The following LTBP2 variants were observed in gnomAD, a reference collection of about 807,000 sequenced individuals.
The protein encoded by LTBP2 is latent-transforming growth factor beta-binding protein 2.
In LTBP2, 103 loss-of-function variants were observed where a neutral mutation model predicts 210.6. The ratio of observed to expected loss-of-function variants is 0.49; its 90% CI spans 0.42 to 0.58. LTBP2 has a LOEUF of 0.58. Ranked by LOEUF, LTBP2 falls within the 20% of genes least tolerant of loss-of-function variation. The pLI, the probability that LTBP2 is intolerant of heterozygous loss-of-function variation, is 0.00. For synonymous variants in LTBP2, 1,007 were observed against 1,015.0 expected, an observed-to-expected ratio of 0.99 and a Z score of 0.15; for missense variants, 2,313 against 2,494.5, an observed-to-expected ratio of 0.93 and a Z score of 1.55.
intron 5 of LTBP2, 117 bp from the exon 6 acceptor site, chr14:74,552,510 G>T (rs2087674699): frequency 1.1e-6 from 1 of 902,056 alleles, no homozygotes; most frequent in Non-Finnish European, 1.8e-6. Context: ...GGCTCCTGTA[G>T]CCCGGAGCCC....
At chr14:74,599,876 T>C (rs58052725) in intron 2 of LTBP2, among the ~76,000 whole-genome samples, 21,552 of 152,304 alleles carry the variant, frequency 0.14, 2,461 homozygotes, top group African/African-American at 0.31. Flanking sequence ...TGAGTCTCCC[T>C]GTGGTTCTGG....
intron 20 of LTBP2, 79 bp from the exon 21 acceptor site, chr14:74,509,938 G>T: frequency 6.2e-7 from 1 of 1,611,630 alleles, no homozygotes; most frequent in South Asian, 1.1e-5. Context: ...CAGGGGTGGG[G>T]GAAGGACAGG....
At chr14:74,541,309 C>T (rs1366981031) in intron 8 of LTBP2, among the ~76,000 whole-genome samples, 1 of 152,150 alleles carries the variant, frequency 6.6e-6, no homozygotes, top group Middle Eastern at 3.2e-3. Flanking sequence ...ACACCTAGAG[C>T]TGTGTGGGCA....
At chr14:74,540,314 A>T (rs1197065645) in intron 8 of LTBP2, among the ~76,000 whole-genome samples, 1 of 151,950 alleles carries the variant, frequency 6.6e-6, no homozygotes, top group Non-Finnish European at 1.5e-5. Flanking sequence ...CTCTACCAAA[A>T]ATACAAAAAG....
intron 1 of LTBP2, among the ~76,000 whole-genome samples, chr14:74,604,811 T>C (rs1334842160): frequency 6.6e-6 from 1 of 151,944 alleles, no homozygotes; most frequent in Non-Finnish European, 1.5e-5. Context: ...TCCTTGATGT[T>C]GGCTCTGAGG....
intron 1 of LTBP2, 126 bp from the exon 2 acceptor site, chr14:74,603,831 T>A (rs1238735935): frequency 2.6e-6 from 2 of 776,368 alleles, no homozygotes; most frequent in East Asian, 5.2e-5. Flanking sequence ...GGGAAGGCTG[T>A]CCCTATTCTA....
intron 35 of LTBP2, 132 bp downstream of exon 35, chr14:74,501,309 G>T (rs754251474): frequency 2.9e-6 from 4 of 1,400,102 alleles, no homozygotes; most frequent in South Asian, 1.2e-5. Context: ...TTCCTTTGGC[G>T]CTTTCTTCCC....
At chr14:74,567,666 A>AC (rs1422733846) in intron 3 of LTBP2, among the ~76,000 whole-genome samples, 2 of 151,806 alleles carry the variant, frequency 1.3e-5, no homozygotes, top group African/African-American at 2.4e-5. Flanking sequence ...GGGGACACAG[A>AC]CCCCCAGGAG....
At chr14:74,517,822 A>C in intron 17 of LTBP2, among the ~76,000 whole-genome samples, 1 of 151,398 alleles carries the variant, frequency 6.6e-6, no homozygotes, top group African/African-American at 2.4e-5. Flanking sequence ...GCCCAACCCC[A>C]CTCACGCCCC....
rs142986851 is a variant in LTBP2, at chr14:74,552,380, G to A, written c.1206C>T (p.Ile402=). The A allele has an allele frequency of 7.5e-6, 12 of 1,606,902 alleles. No homozygotes were observed. The Middle Eastern group carries it at 4.9e-4, about 66-fold the overall frequency. The change falls in exon 6 of 36, where the codon ATC becomes ATT. Residue 402 remains isoleucine, a synonymous_variant. Coordinates refer to ENST00000261978, the MANE Select transcript of LTBP2 (RefSeq NM_000428.3). The stretch of plus-strand genomic sequence containing the variant: ...TGCAGCGGCCTCCGTTCAGGCAGGG[G>A]ATCTGGCAGAAATCTGCAACATCAA... ...KSGFRIYFCQ[I]PCLNGGRCIG...
chr14:74,578,768 G>A (rs962889688), intron 3 of LTBP2, among the ~76,000 whole-genome samples: 5 of 152,230 alleles, frequency 3.3e-5, no homozygotes, highest in Admixed American at 3.3e-4. Flanking sequence ...TGGCACTGGG[G>A]GAAGGGGACA....
chr14:74,553,050 G>T lies in LTBP2; in HGVS notation c.1034C>A (p.Thr345Lys), dbSNP rs138297564. 1 of 1,614,142 alleles carries T rather than the reference G, an allele frequency of 6.2e-7. No homozygotes were observed. The highest frequency in any genetic ancestry group is 1.1e-5 in the South Asian group (1 of 91,076). ...GATCTTGATCTTCTTGATTTTCTCC[G>T]TGAGGTTCAGCCCTGCAGAGAGAGG... Reference protein sequence around the residue: ...HPSSPWGLNLTEKIKKIKIVF... With the variant: ...HPSSPWGLNLKEKIKKIKIVF... Residue 345 changes from threonine (T) to lysine (K), a missense_variant, in exon 5 of 36, where the codon ACG becomes AAG. By Grantham distance (78) the Thr-to-Lys change is moderately conservative. Coordinates refer to ENST00000261978, the MANE Select transcript of LTBP2 (RefSeq NM_000428.3).
intron 18 of LTBP2, among the ~76,000 whole-genome samples, chr14:74,513,878 C>T (rs1315852288): frequency 6.6e-6 from 1 of 152,224 alleles, no homozygotes; most frequent in East Asian, 1.9e-4. Context: ...GCAGCATAAC[C>T]TTGTCTATCT....
At chr14:74,563,171 A>G (rs182273254) in intron 3 of LTBP2, among the ~76,000 whole-genome samples, 5 of 152,208 alleles carry the variant, frequency 3.3e-5, no homozygotes, top group African/African-American at 9.6e-5. Context: ...TCTATCCTCA[A>G]TCAGGTCAAA....
intron 2 of LTBP2, among the ~76,000 whole-genome samples, chr14:74,601,886 G>T (rs1279901765): frequency 6.6e-6 from 1 of 152,166 alleles, no homozygotes; most frequent in Non-Finnish European, 1.5e-5. Context: ...GCCTGGGGCT[G>T]GTCCTTGAAG....
intron 3 of LTBP2, among the ~76,000 whole-genome samples, chr14:74,558,212 C>G (rs112170618): frequency 0.011 from 1,652 of 152,240 alleles, 43 homozygotes; most frequent in African/African-American, 0.038. Flanking sequence ...CCAGCCTGAC[C>G]AACAGAGAGA....
At chr14:74,548,396 T>C (rs7148461) in intron 8 of LTBP2, among the ~76,000 whole-genome samples, 49,853 of 151,780 alleles carry the variant, frequency 0.33, 8,623 homozygotes, top group Non-Finnish European at 0.39. Context: ...CCCACTAAAT[T>C]GTAAGCTTGG....
At chr14:74,603,252 C>T (rs112445395) in intron 2 of LTBP2, among the ~76,000 whole-genome samples, 1,652 of 152,224 alleles carry the variant, frequency 0.011, 36 homozygotes, top group African/African-American at 0.038. Flanking sequence ...CTCAGCCTCC[C>T]GAGTAGCTGG....
intron 3 of LTBP2, among the ~76,000 whole-genome samples, chr14:74,576,971 C>A (rs181495840): frequency 1.1e-4 from 16 of 152,262 alleles, no homozygotes; most frequent in African/African-American, 3.9e-4. Flanking sequence ...TTAACCCTCT[C>A]ATTTTACAGA....
Sources: gnomAD v4.1 joint callset for allele counts (sites outside exome capture counted in the v4.1 genomes callset) on GRCh38, gnomAD v4.1.1 for gene constraint, MANE v1.5 for transcripts, NCBI Gene and HGNC (gene_info 2026-07-23, HGNC 2026-07-21) for gene names.